The following TMEM178B variants were observed in gnomAD, a reference collection of about 807,000 sequenced individuals.
TMEM178B encodes the protein transmembrane protein 178B.
A neutral mutation model predicts 31.0 loss-of-function variants in TMEM178B; 5 were observed. The ratio of observed to expected loss-of-function variants is 0.16; its 90% CI spans 0.08 to 0.34. The LOEUF (loss-of-function observed/expected upper bound fraction) is 0.34, where lower values mean the gene tolerates loss of function less well. Among genes scored for constraint, TMEM178B ranks in the 10% least tolerant of loss-of-function variants. The pLI, the probability that TMEM178B is intolerant of heterozygous loss-of-function variation, is 1.00. For missense variants in TMEM178B, 275 were observed against 400.3 expected, an observed-to-expected ratio of 0.69 and a Z score of 2.67; for synonymous variants, 164 against 164.0, an observed-to-expected ratio of 1.00 and a Z score of 0.00.
intron 1 of TMEM178B, among the ~76,000 whole-genome samples, chr7:141,105,412 C>T (rs1300540340): frequency 6.6e-6 from 1 of 152,148 alleles, no homozygotes; most frequent in Non-Finnish European, 1.5e-5. Flanking sequence ...GAGGCTGAGA[C>T]ATGAGAATTG....
chr7:141,406,515 T>C (rs1800888240), intron 2 of TMEM178B, among the ~76,000 whole-genome samples: 1 of 152,254 alleles, frequency 6.6e-6, no homozygotes, highest in Admixed American at 6.5e-5. Flanking sequence ...GAGCTGTGTC[T>C]ATGTTTATTG....
At chr7:141,497,282 A>C in the TMEM178B span, among the ~76,000 whole-genome samples, 7 of 152,190 alleles carry the variant, frequency 4.6e-5, no homozygotes, top group African/African-American at 1.7e-4. Context: ...GAGAGGCCAG[A>C]AGGTTGGAGA....
At chr7:141,435,595 C>T (rs1470210527) in intron 2 of TMEM178B, among the ~76,000 whole-genome samples, 7 of 152,160 alleles carry the variant, frequency 4.6e-5, no homozygotes, top group Admixed American at 1.3e-4. Flanking sequence ...AGGGAGAGGA[C>T]GGCACAGATG....
intron 1 of TMEM178B, among the ~76,000 whole-genome samples, chr7:141,118,254 T>G (rs573996304): frequency 6.6e-6 from 1 of 152,286 alleles, no homozygotes; most frequent in Non-Finnish European, 1.5e-5. Context: ...CTGGATTCCT[T>G]TTGGAAGCCT....
At chr7:141,434,245 G>T (rs892197382) in intron 2 of TMEM178B, among the ~76,000 whole-genome samples, 3 of 152,064 alleles carry the variant, frequency 2.0e-5, no homozygotes, top group African/African-American at 7.2e-5. Context: ...TTGACCCATT[G>T]TCCACTTAAT....
At chr7:141,400,889 C>T (rs1800750251) in intron 2 of TMEM178B, among the ~76,000 whole-genome samples, 1 of 152,182 alleles carries the variant, frequency 6.6e-6, no homozygotes, top group Non-Finnish European at 1.5e-5. Context: ...GTCTTCTCTG[C>T]CCCCCAGCTT....
At chr7:141,128,053 A>C (rs2129177293) in intron 1 of TMEM178B, among the ~76,000 whole-genome samples, 1 of 152,270 alleles carries the variant, frequency 6.6e-6, no homozygotes, top group Non-Finnish European at 1.5e-5. Context: ...TGTATTGATA[A>C]GGTGATTGCA....
At chr7:141,480,595 G>A (rs1053149731), downstream of TMEM178B, among the ~76,000 whole-genome samples, 14 of 152,214 alleles carry the variant, frequency 9.2e-5, no homozygotes, top group African/African-American at 1.4e-4. Flanking sequence ...TTGGGTGGAA[G>A]GAGAAAAAAT....
At chr7:141,334,514 A>T (rs1799350891) in intron 2 of TMEM178B, among the ~76,000 whole-genome samples, 1 of 152,166 alleles carries the variant, frequency 6.6e-6, no homozygotes, top group South Asian at 2.1e-4. Flanking sequence ...AAGAAGATGA[A>T]TCCTGGGCCA....
At chr7:141,240,367 T>C (rs1002656791) in intron 2 of TMEM178B, among the ~76,000 whole-genome samples, 41 of 152,358 alleles carry the variant, frequency 2.7e-4, no homozygotes, top group African/African-American at 7.9e-4. Context: ...CTATTCCAGA[T>C]TGGTATTTCC....
intron 1 of TMEM178B, among the ~76,000 whole-genome samples, chr7:141,133,507 T>C (rs1795627518): frequency 6.6e-6 from 1 of 152,100 alleles, no homozygotes; most frequent in African/African-American, 2.4e-5. Flanking sequence ...TTTCTGTTCA[T>C]GAAGACAGGT....
intron 2 of TMEM178B, among the ~76,000 whole-genome samples, chr7:141,386,307 A>G (rs551634807): frequency 6.6e-6 from 1 of 152,330 alleles, no homozygotes; most frequent in East Asian, 1.9e-4. Flanking sequence ...GACCTTGCAG[A>G]AACTTCGGCA....
chr7:141,374,234 C>T (rs115892521), intron 2 of TMEM178B, among the ~76,000 whole-genome samples: 3,922 of 152,242 alleles, frequency 0.026, 142 homozygotes, highest in African/African-American at 0.089. Flanking sequence ...AGCATTTAAA[C>T]GGGATTCCAC....
chr7:141,497,446 AC>A, the TMEM178B span, among the ~76,000 whole-genome samples: 2 of 152,106 alleles, frequency 1.3e-5, no homozygotes, highest in Non-Finnish European at 2.9e-5. Flanking sequence ...TTACTTTGTT[AC>A]CCCCTTTGGG....
chr7:141,279,218 G>A (rs998278349), intron 2 of TMEM178B, among the ~76,000 whole-genome samples: 1 of 152,058 alleles, frequency 6.6e-6, no homozygotes, highest in African/African-American at 2.4e-5. Context: ...CTGGTCCAAA[G>A]CAAAATGAAA....
chr7:141,124,897 A>G (rs954976087), intron 1 of TMEM178B, among the ~76,000 whole-genome samples: 1 of 152,202 alleles, frequency 6.6e-6, no homozygotes, highest in Admixed American at 6.5e-5. Flanking sequence ...GAATTTCAAG[A>G]CTTATTTTCT....
chr7:141,187,513 C>T (rs1446717876), intron 1 of TMEM178B, among the ~76,000 whole-genome samples: 1 of 152,112 alleles, frequency 6.6e-6, no homozygotes. Context: ...TGAGGAATCG[C>T]CACACTGACT....
intron 2 of TMEM178B, among the ~76,000 whole-genome samples, chr7:141,410,464 C>T (rs1586942350): frequency 6.8e-6 from 1 of 147,292 alleles, no homozygotes; most frequent in South Asian, 2.2e-4. Flanking sequence ...CCCTCCCCCA[C>T]CTCTGTCTTT....
chr7:141,095,742 A>C (rs1162694226), intron 1 of TMEM178B, among the ~76,000 whole-genome samples: 1 of 152,198 alleles, frequency 6.6e-6, no homozygotes, highest in Non-Finnish European at 1.5e-5. Flanking sequence ...CTCATTTTAC[A>C]TACAGAAGAC....
Sources: allele counts gnomAD v4.1 joint callset (sites outside exome capture counted in the v4.1 genomes callset), GRCh38; gene constraint gnomAD v4.1.1; transcripts MANE v1.5; gene names NCBI Gene and HGNC (gene_info 2026-07-23, HGNC 2026-07-21).